Variants in ATP9B observed in about 807,000 individuals in gnomAD.
ATP9B encodes probable phospholipid-transporting ATPase IIB.
In ATP9B, 110 loss-of-function variants were observed where a neutral mutation model predicts 146.1. The observed-to-expected ratio is 0.75, with a 90% CI of 0.65 to 0.88. The LOEUF (loss-of-function observed/expected upper bound fraction) is 0.88, where lower values mean the gene tolerates loss of function less well. Among genes scored for constraint, ATP9B ranks in the 40% least tolerant of loss-of-function variants. The probability of loss-of-function intolerance (pLI) is 0.00; values close to 1 mark genes in which losing one functional copy is unlikely to be tolerated. For missense variants in ATP9B, 1,499 were observed against 1,496.4 expected, an observed-to-expected ratio of 1.00 and a Z score of -0.03; for synonymous variants, 604 against 569.7, an observed-to-expected ratio of 1.06 and a Z score of -0.86.
At chr18:79,202,805 G>C (rs1195034469) in intron 9 of ATP9B, among the ~76,000 whole-genome samples, 1 of 152,176 alleles carries the variant, frequency 6.6e-6, no homozygotes, top group Admixed American at 6.5e-5. Flanking sequence ...AATTGTGTTA[G>C]AGACAGAAAC....
intron 13 of ATP9B, among the ~76,000 whole-genome samples, chr18:79,297,945 G>A (rs2096564817): frequency 6.8e-6 from 1 of 146,774 alleles, no homozygotes; most frequent in South Asian, 2.1e-4. Flanking sequence ...AGAAAACTCG[G>A]AAAACAAGGA....
intron 11 of ATP9B, among the ~76,000 whole-genome samples, chr18:79,238,063 TA>T (rs76323455): frequency 0.018 from 2,772 of 151,964 alleles, 34 homozygotes; most frequent in Non-Finnish European, 0.027. Context: ...TATTTAAAAA[TA>T]AAAAAAAAAT....
At position 79,347,832 on chromosome 18, in the gene ATP9B, G is replaced by A. The variant is rs1281657202; in HGVS notation, c.2745G>A (p.Arg915=). Residue 915 remains arginine (R), a synonymous_variant, in exon 24 of 30, where the codon AGG becomes AGA. Coordinates refer to ENST00000426216, the MANE Select transcript of ATP9B (RefSeq NM_198531.5). The stretch of plus-strand genomic sequence containing the variant: ...TCACGCAGTTCCGGCACATAGGCAG[G>A]CTGCTCATGGTGCACGGGCGGAACA... The part of the protein sequence containing the change: ...FSITQFRHIG[R]LLMVHGRNSY... The A allele has an allele frequency of 6.2e-7, 1 of 1,613,370 alleles. No homozygotes were observed. The highest frequency in any genetic ancestry group is 8.5e-7 in the Non-Finnish European group (1 of 1,179,662).
intron 13 of ATP9B, among the ~76,000 whole-genome samples, chr18:79,290,459 C>T (rs2096491412): frequency 6.6e-6 from 1 of 152,122 alleles, no homozygotes; most frequent in Admixed American, 6.6e-5. Flanking sequence ...CTTTTTTAAG[C>T]CCGTCAGAAA....
At chr18:79,113,966 A>G (rs991437474) in intron 4 of ATP9B, among the ~76,000 whole-genome samples, 1 of 152,018 alleles carries the variant, frequency 6.6e-6, no homozygotes, top group Non-Finnish European at 1.5e-5. Flanking sequence ...TGTACTTACT[A>G]CTTCCTTTAT....
chr18:79,271,486 G>C (rs2096254317), intron 12 of ATP9B, among the ~76,000 whole-genome samples: 1 of 151,816 alleles, frequency 6.6e-6, no homozygotes, highest in Admixed American at 6.6e-5. Context: ...AGAACATGCG[G>C]TGTTTGGTTT....
At chr18:79,267,433 C>T (rs1335211303) in intron 12 of ATP9B, among the ~76,000 whole-genome samples, 1 of 152,072 alleles carries the variant, frequency 6.6e-6, no homozygotes, top group Non-Finnish European at 1.5e-5. Context: ...TCTTACTTAT[C>T]TATTTCCTCC....
chr18:79,332,574 GCT>G (rs1268823147), intron 17 of ATP9B, among the ~76,000 whole-genome samples: 1 of 152,218 alleles, frequency 6.6e-6, no homozygotes, highest in Admixed American at 6.5e-5. Flanking sequence ...GGTTGGTCTT[GCT>G]CTCTCAGGAG....
At chr18:79,230,319 A>C (rs1218130961) in intron 11 of ATP9B, among the ~76,000 whole-genome samples, 1 of 152,158 alleles carries the variant, frequency 6.6e-6, no homozygotes, top group Non-Finnish European at 1.5e-5. Context: ...AGAAAACACT[A>C]AAGACTCATC....
At chr18:79,159,256 T>C (rs145462245) in intron 7 of ATP9B, among the ~76,000 whole-genome samples, 35 of 152,286 alleles carry the variant, frequency 2.3e-4, no homozygotes, top group African/African-American at 8.4e-4. Flanking sequence ...TCCAGCAAAA[T>C]GTATCCATTT....
intron 2 of ATP9B, among the ~76,000 whole-genome samples, chr18:79,107,292 C>T (rs1231208718): frequency 6.6e-6 from 1 of 152,134 alleles, no homozygotes; most frequent in Non-Finnish European, 1.5e-5. Flanking sequence ...AGCCAGGGTG[C>T]CCACTGAGCT....
At position 79,113,336 on chromosome 18, in the gene ATP9B, C is replaced by CA. The variant is rs1166427932; in HGVS notation, c.541dup (p.Thr181AsnfsTer20). ...CAGCATTGAAAATAGGCTATCTCTA[C>CA]ACCTACTGGGCTCCTCTGGTAAGAA... On this transcript the variant is annotated frameshift_variant, in exon 4 of 30. Coordinates refer to ENST00000426216, the MANE Select transcript of ATP9B (RefSeq NM_198531.5). LOFTEE classifies it high-confidence loss of function. 6.4e-7 allele frequency: 1 copy of CA among 1,567,796 alleles called. No individual in the cohort carries two copies. The highest frequency in any genetic ancestry group is 1.4e-5 in the African/African-American group (1 of 73,862).
In ATP9B at chr18:79,334,230, G is replaced by A. The variant is rs369861793; in HGVS notation, c.2029-2398G>A. 2.4e-3 allele frequency among the ~76,000 whole-genome samples: 371 copies of A among 152,178 alleles called. 1 individual carries two copies. The highest frequency in any genetic ancestry group is 6.7e-3 in the South Asian group (32 of 4,806). ...AAAAATAGACAGGGTGGTGGCAGGC[G>A]CCTGTAGTCCTAGCTGCTGGGGAGG... On this transcript the variant is annotated intron_variant, in intron 17 of 29. Transcript: ENST00000426216.
At chr18:79,126,528 A>G (rs1413499422) in intron 5 of ATP9B, among the ~76,000 whole-genome samples, 153 bp downstream of exon 5, 1 of 152,214 alleles carries the variant, frequency 6.6e-6, no homozygotes, top group African/African-American at 2.4e-5. Context: ...CTTATAATGT[A>G]TAATGCAATT....
chr18:79,192,060 T>C (rs2095371747), intron 8 of ATP9B, among the ~76,000 whole-genome samples: 1 of 152,152 alleles, frequency 6.6e-6, no homozygotes, highest in African/African-American at 2.4e-5. Flanking sequence ...TCCATTCGTT[T>C]AGTGGATATA....
Position 79,377,466 on chromosome 18 carries a change from T to G in ATP9B, c.*83T>G. On this transcript the variant is annotated 3_prime_UTR_variant, in exon 30 of 30. Transcript: ENST00000426216. Reference sequence around the variant, plus strand: ...GTGCCCTTGCCAGTGAACGCAGGGTTTGCCATTGCTACCAAGCAAGCACCA... The same window carrying G: ...GTGCCCTTGCCAGTGAACGCAGGGTGTGCCATTGCTACCAAGCAAGCACCA... 2.0e-6 allele frequency: 3 copies of G among 1,514,752 alleles called. No individual in the cohort carries two copies. Among genetic ancestry groups the G allele is most frequent in the Non-Finnish European group, 1.8e-6 (2 of 1,121,486 alleles). The allele number at this position is 1,514,752 out of a possible 1,614,324, so 93.8% of individuals were successfully genotyped here.
At chr18:79,372,796 C>T (rs755081817) in intron 26 of ATP9B, 29 bp from the exon 27 acceptor site, 2 of 1,533,326 alleles carry the variant, frequency 1.3e-6, no homozygotes, top group South Asian at 1.1e-5. Flanking sequence ...GTTCTGCGCA[C>T]TAACGACGCT....
At chr18:79,080,326 G>A (rs1266722970) in intron 1 of ATP9B, among the ~76,000 whole-genome samples, 2 of 152,002 alleles carry the variant, frequency 1.3e-5, no homozygotes, top group African/African-American at 2.4e-5. Context: ...CTTGAGCAGT[G>A]GTTTGTAGTT....
intron 7 of ATP9B, among the ~76,000 whole-genome samples, chr18:79,175,337 G>A (rs2095147627): frequency 6.6e-6 from 1 of 151,834 alleles, no homozygotes; most frequent in Non-Finnish European, 1.5e-5. Context: ...TAAAAGTTTG[G>A]TGTAATTTGG....
Sources: gnomAD v4.1 joint callset for allele counts (sites outside exome capture counted in the v4.1 genomes callset) on GRCh38, gnomAD v4.1.1 for gene constraint, MANE v1.5 for transcripts, NCBI Gene and HGNC (gene_info 2026-07-23, HGNC 2026-07-21) for gene names.